The following PARD3 variants were observed in gnomAD, a reference collection of about 807,000 sequenced individuals.
PARD3 encodes the protein partitioning defective 3 homolog.
In PARD3, 75 loss-of-function variants were observed where a neutral mutation model predicts 155.4. The observed-to-expected ratio is 0.48, with a 90% confidence interval of 0.40 to 0.58. PARD3 has a LOEUF of 0.58. Among genes scored for constraint, PARD3 ranks in the 20% least tolerant of loss-of-function variants. The probability of loss-of-function intolerance (pLI) is 0.00; values close to 1 mark genes in which losing one functional copy is unlikely to be tolerated. For synonymous variants in PARD3, 576 were observed against 610.5 expected, an observed-to-expected ratio of 0.94 and a Z score of 0.83; for missense variants, 1,642 against 1,721.7, an observed-to-expected ratio of 0.95 and a Z score of 0.82.
intron 2 of PARD3, among the ~76,000 whole-genome samples, chr10:34,599,473 G>C (rs1199607072): frequency 2.0e-5 from 3 of 152,102 alleles, no homozygotes; most frequent in African/African-American, 7.2e-5. Context: ...TCAGACTGCC[G>C]GCATGGAACT....
At chr10:34,406,001 T>C (rs1051115655) in intron 5 of PARD3, among the ~76,000 whole-genome samples, 9 of 152,166 alleles carry the variant, frequency 5.9e-5, no homozygotes, top group African/African-American at 1.4e-4. Context: ...TATATACATA[T>C]ACAACCTCCT....
intron 1 of PARD3, among the ~76,000 whole-genome samples, chr10:34,701,616 C>T (rs1433081082): frequency 1.3e-5 from 2 of 152,092 alleles, no homozygotes; most frequent in Admixed American, 6.6e-5. Context: ...GGGAAGGGGC[C>T]AGGCACGGTA....
At chr10:34,425,018 A>T (rs1194542891) in intron 5 of PARD3, among the ~76,000 whole-genome samples, 1 of 152,044 alleles carries the variant, frequency 6.6e-6, no homozygotes, top group Non-Finnish European at 1.5e-5. Context: ...CATTCTACTG[A>T]CATTGCTGTG....
intron 5 of PARD3, among the ~76,000 whole-genome samples, chr10:34,413,142 T>TACACACACACACACACACAC (rs1336586740): frequency 7.5e-5 from 10 of 132,546 alleles, no homozygotes; most frequent in African/African-American, 2.6e-4. Context: ...TTCAGATATA[T>TACACACACACACACACACAC]ATACACACAC....
At chr10:34,512,262 T>G (rs532165617) in intron 3 of PARD3, among the ~76,000 whole-genome samples, 1 of 152,260 alleles carries the variant, frequency 6.6e-6, no homozygotes, top group Non-Finnish European at 1.5e-5. Flanking sequence ...GACTTATTCC[T>G]GCTTTCCTTT....
chr10:34,475,909 C>T (rs2078676681), intron 3 of PARD3, among the ~76,000 whole-genome samples: 1 of 152,104 alleles, frequency 6.6e-6, no homozygotes, highest in African/African-American at 2.4e-5. Flanking sequence ...ACCAGTTTTT[C>T]TGTCCGTATT....
intron 2 of PARD3, among the ~76,000 whole-genome samples, chr10:34,605,658 CTATATATATATCTCCTA>C (rs1554784229): frequency 2.3e-5 from 1 of 42,596 alleles, no homozygotes; most frequent in Non-Finnish European, 4.2e-5. Flanking sequence ...TATATATCTC[CTATATATATATCTCCTA>C]TATATATATA....
intron 22 of PARD3, among the ~76,000 whole-genome samples, chr10:34,176,458 A>T (rs762689545): frequency 1.3e-5 from 2 of 152,242 alleles, no homozygotes; most frequent in Non-Finnish European, 2.9e-5. Context: ...ATTGAGAGAC[A>T]GCCTCAATTA....
chr10:34,762,564 C>T (rs974373634), intron 1 of PARD3, among the ~76,000 whole-genome samples: 1 of 151,142 alleles, frequency 6.6e-6, no homozygotes, highest in African/African-American at 2.4e-5. Context: ...CAGCCTCAGC[C>T]TCCCAAAGTG....
At chr10:34,399,494 GCAA>G (rs1423068416) in intron 6 of PARD3, 81 bp from the exon 7 acceptor site, 11 of 866,338 alleles carry the variant, frequency 1.3e-5, no homozygotes, top group Non-Finnish European at 2.2e-5. Flanking sequence ...ACAAAAAACT[GCAA>G]CAACACAGAC....
intron 21 of PARD3, among the ~76,000 whole-genome samples, chr10:34,273,068 A>C (rs554684432): frequency 6.6e-6 from 1 of 152,336 alleles, no homozygotes; most frequent in Admixed American, 6.5e-5. Flanking sequence ...TAGTATCTTT[A>C]AAAATTAAAC....
intron 1 of PARD3, among the ~76,000 whole-genome samples, chr10:34,769,799 C>CAAAAAAAAAAAAAA (rs372925164): frequency 1.5e-5 from 1 of 66,632 alleles, no homozygotes; most frequent in African/African-American, 6.1e-5. Flanking sequence ...AACAAAAAAA[C>CAAAAAAAAAAAAAA]AAAACAAAAA....
In PARD3 at chr10:34,791,177, A is replaced by G. The variant is rs192832728; in HGVS notation, c.120+23699T>C. Among the ~76,000 whole-genome samples the G allele has an allele frequency of 2.9e-3, 435 of 152,302 alleles. 1 individual carries two copies. Among genetic ancestry groups the G allele is most frequent in the Non-Finnish European group, 4.4e-3 (299 of 68,024 alleles). ...AAACTATCACTGTGTAACATTCTAC[A>G]CTGCCCTGAGTGAGAAGCACTGACG... is the stretch of plus-strand genomic sequence containing the variant. On this transcript the variant is annotated intron_variant, in intron 1 of 24. Transcript: ENST00000374788.
intron 20 of PARD3, among the ~76,000 whole-genome samples, chr10:34,293,910 T>C (rs372857582): frequency 2.6e-5 from 4 of 152,296 alleles, no homozygotes; most frequent in East Asian, 3.9e-4. Flanking sequence ...CTGGTTACCA[T>C]GGTTTTCCTT....
At chr10:34,453,239 C>G (rs910415099) in intron 4 of PARD3, among the ~76,000 whole-genome samples, 2 of 152,220 alleles carry the variant, frequency 1.3e-5, no homozygotes, top group Non-Finnish European at 2.9e-5. Flanking sequence ...ACTGAACATT[C>G]TTCAAAGCCC....
intron 1 of PARD3, among the ~76,000 whole-genome samples, chr10:34,733,463 T>C (rs2094853665): frequency 6.6e-6 from 1 of 152,168 alleles, no homozygotes; most frequent in Non-Finnish European, 1.5e-5. Flanking sequence ...AAAAAACAAC[T>C]AGTGACAAAC....
chr10:34,221,712 A>C (rs1333475842), intron 22 of PARD3, among the ~76,000 whole-genome samples: 2 of 152,202 alleles, frequency 1.3e-5, no homozygotes. Context: ...AGATCAGGCA[A>C]CCTGTAGTAC....
intron 5 of PARD3, among the ~76,000 whole-genome samples, chr10:34,435,477 A>G (rs2076142487): frequency 6.6e-6 from 1 of 152,234 alleles, no homozygotes; most frequent in South Asian, 2.1e-4. Flanking sequence ...AGATAATGAG[A>G]ATACAAATTG....
intron 2 of PARD3, among the ~76,000 whole-genome samples, chr10:34,637,402 C>T (rs2092516966): frequency 6.6e-6 from 1 of 152,166 alleles, no homozygotes; most frequent in Non-Finnish European, 1.5e-5. Context: ...GAGAAACGTC[C>T]ATTAACGTGA....
Sources: gnomAD v4.1 joint callset for allele counts (sites outside exome capture counted in the v4.1 genomes callset) on GRCh38, gnomAD v4.1.1 for gene constraint, MANE v1.5 for transcripts, NCBI Gene and HGNC (gene_info 2026-07-23, HGNC 2026-07-21) for gene names.